Variants in ASB1 observed in about 807,000 individuals in gnomAD.
ASB1 encodes the protein ankyrin repeat and SOCS box protein 1.
A neutral mutation model predicts 27.7 loss-of-function variants in ASB1; 18 were observed. The observed-to-expected ratio is 0.65, with a 90% CI of 0.45 to 0.96. The LOEUF (loss-of-function observed/expected upper bound fraction) is 0.96, where lower values mean the gene tolerates loss of function less well. Ranked by LOEUF, ASB1 falls within the 50% of genes least tolerant of loss-of-function variation. The pLI, the probability that ASB1 is intolerant of heterozygous loss-of-function variation, is 0.00. For missense variants in ASB1, 397 were observed against 451.7 expected, an observed-to-expected ratio of 0.88 and a Z score of 1.10; for synonymous variants, 189 against 187.6, an observed-to-expected ratio of 1.01 and a Z score of -0.06.
intron 3 of ASB1, among the ~76,000 whole-genome samples, chr2:238,442,648 G>T (rs1039899222): frequency 6.6e-6 from 1 of 151,932 alleles, no homozygotes; most frequent in Non-Finnish European, 1.5e-5. Flanking sequence ...TTACTTAGAG[G>T]TTTTTTTCTA....
intron 1 of ASB1, among the ~76,000 whole-genome samples, chr2:238,433,112 C>T (rs1701901387): frequency 6.6e-6 from 1 of 152,108 alleles, no homozygotes; most frequent in Admixed American, 6.5e-5. Flanking sequence ...TCAGTGGATT[C>T]TTTGACACAA....
chr2:238,445,066 T>C (rs1702153378), intron 4 of ASB1, among the ~76,000 whole-genome samples: 1 of 148,270 alleles, frequency 6.7e-6, no homozygotes, highest in African/African-American at 2.5e-5. Flanking sequence ...CCTGTAGCCA[T>C]GACCTCCTGG....
intron 3 of ASB1, among the ~76,000 whole-genome samples, chr2:238,436,723 A>G (rs1301590068): frequency 6.7e-6 from 1 of 149,520 alleles, no homozygotes; most frequent in African/African-American, 2.5e-5. Flanking sequence ...GTACATGACC[A>G]TGGGTGTTTT....
At chr2:238,432,374 C>T (rs1219311017) in intron 1 of ASB1, among the ~76,000 whole-genome samples, 1 of 152,058 alleles carries the variant, frequency 6.6e-6, no homozygotes, top group African/African-American at 2.4e-5. Context: ...TTATTCTGTT[C>T]TTTTGTGTTG....
Position 238,436,948 on chromosome 2 carries a change from C to T in ASB1, c.494+935C>T, listed in dbSNP as rs572556327. ...AAAGTTCCTGCTTACATATTATGCT[C>T]TATCAAAACAAGAGTACTATTAGTT... On this transcript the variant is annotated intron_variant, in intron 3 of 4. Coordinates refer to ENST00000264607, the MANE Select transcript of ASB1 (RefSeq NM_001040445.3). Among the ~76,000 whole-genome samples, 4 of 152,266 alleles carry T rather than the reference C, an allele frequency of 2.6e-5. 1 individual carries two copies. In the South Asian group the frequency reaches 8.3e-4, roughly 32 times the overall value.
In ASB1 at chr2:238,442,058, C is replaced by T. The variant is rs146627651; in HGVS notation, c.495-2284C>T. On this transcript the variant is annotated intron_variant, in intron 3 of 4. Coordinates refer to ENST00000264607, the MANE Select transcript of ASB1 (RefSeq NM_001040445.3). ...AATAGTTTTAATTTGCATTTCTGTT[C>T]CGAGTGAGGCTGAGTGTGTTTTCAT... Among the ~76,000 whole-genome samples the T allele has an allele frequency of 2.5e-3, 385 of 152,080 alleles. 2 individuals carry two copies. The highest frequency in any genetic ancestry group is 8.8e-3 in the African/African-American group (366 of 41,482).
At position 238,435,832 on chromosome 2, in the gene ASB1, G is replaced by C; in HGVS notation, c.313G>C (p.Asp105His). ...DFLIRKGAEVDLVDVKGQTAL... is the reference protein window; with the variant it reads ...DFLIRKGAEVHLVDVKGQTAL... ...CCTCATCCGGAAGGGGGCCGAGGTGGATCTGGTGGACGTAAAAGGACAGAC... is the reference window on the plus strand; with the variant it reads ...CCTCATCCGGAAGGGGGCCGAGGTGCATCTGGTGGACGTAAAAGGACAGAC... Residue 105 changes from aspartate to histidine, a missense_variant, in exon 3 of 5, where the codon GAT becomes CAT. By Grantham distance (81) the Asp-to-His change is moderately conservative. Transcript: ENST00000264607. The C allele has an allele frequency of 6.2e-7, 1 of 1,614,262 alleles. No homozygotes were observed. The highest frequency in any genetic ancestry group is 8.5e-7 in the Non-Finnish European group (1 of 1,180,046).
Position 238,444,642 on chromosome 2 carries a change from A to G in ASB1, c.795A>G (p.Leu265=), listed in dbSNP as rs1702143183. ...TAGAATTTGGAGCCAACCTGAATCTAGTGAAGTGGGAATCGCTGGGCCCAG... is the reference window on the plus strand; with the variant it reads ...TAGAATTTGGAGCCAACCTGAATCTGGTGAAGTGGGAATCGCTGGGCCCAG... ...LLVEFGANLN[L]VKWESLGPES... The change falls in exon 4 of 5, where the codon CTA becomes CTG. Residue 265 remains leucine (L), a synonymous_variant. Transcript: ENST00000264607. 2 of 1,614,144 alleles carry G rather than the reference A, an allele frequency of 1.2e-6. No individual in the cohort carries two copies. Among genetic ancestry groups the G allele is most frequent in the East Asian group, 2.2e-5 (1 of 44,880 alleles).
At chr2:238,442,247 C>G (rs1702091959) in intron 3 of ASB1, among the ~76,000 whole-genome samples, 1 of 151,922 alleles carries the variant, frequency 6.6e-6, no homozygotes, top group Non-Finnish European at 1.5e-5. Flanking sequence ...TCCCGAGTAG[C>G]TGGGATGACA....
chr2:238,433,040 C>G (rs1308223714), intron 1 of ASB1, among the ~76,000 whole-genome samples: 2 of 152,170 alleles, frequency 1.3e-5, no homozygotes, highest in Non-Finnish European at 2.9e-5. Flanking sequence ...GCCACCTCAC[C>G]TGGCTCAATC....
intron 3 of ASB1, among the ~76,000 whole-genome samples, chr2:238,438,394 G>A (rs373994219): frequency 7.9e-5 from 12 of 151,888 alleles, no homozygotes; most frequent in Middle Eastern, 3.4e-3. Flanking sequence ...TTGAGACAGG[G>A]TTTCACCATG....
intron 3 of ASB1, among the ~76,000 whole-genome samples, chr2:238,442,913 C>T (rs1702106636): frequency 6.6e-6 from 1 of 152,192 alleles, no homozygotes; most frequent in Admixed American, 6.5e-5. Flanking sequence ...ATTTTGTTCA[C>T]ATACCAGTGC....
At chr2:238,428,943 CTG>C (rs553499068) in intron 1 of ASB1, among the ~76,000 whole-genome samples, 179 of 152,276 alleles carry the variant, frequency 1.2e-3, no homozygotes, top group Middle Eastern at 3.4e-3. Flanking sequence ...CTTTTTCACT[CTG>C]TAGTAACCGC....
rs886997581 is a variant in ASB1 at position 238,438,476 on chromosome 2, G to A, written c.494+2463G>A. Among the ~76,000 whole-genome samples the A allele has an allele frequency of 5.9e-5, 9 of 152,002 alleles. No homozygotes were observed. The South Asian group carries it at 8.3e-4, about 14-fold the overall frequency. The stretch of plus-strand genomic sequence containing the variant: ...CGGCCTCCCAAAGTGCTGGGATTAC[G>A]GGCGTGAGCCACCGCGCCCGGCCAC... On this transcript the variant is annotated intron_variant, in intron 3 of 4. Coordinates refer to ENST00000264607, the MANE Select transcript of ASB1 (RefSeq NM_001040445.3).
At position 238,450,653 on chromosome 2, in the gene ASB1, G is replaced by A. The variant is rs1287626624; in HGVS notation, c.*4142G>A. 1.3e-5 allele frequency: 2 copies of A among 152,242 alleles called. No homozygotes were observed. The highest frequency in any genetic ancestry group is 2.9e-5 in the Non-Finnish European group (2 of 68,074). The allele number at this position is 152,242 out of a possible 1,614,324, so 9.4% of individuals were successfully genotyped here. On this transcript the variant is annotated 3_prime_UTR_variant, in exon 5 of 5. Transcript: ENST00000264607. ...GCCAAGAACGAGTCTGGAGATCGCT[G>A]CGTGCGGTTTTAGGAAGTGCCAACA...
rs1194084277 is a variant in ASB1, at chr2:238,427,027, G to A, written c.-44G>A. 8.1e-7 allele frequency: 1 copy of A among 1,237,486 alleles called. No individual in the cohort carries two copies. Among genetic ancestry groups the A allele is most frequent in the East Asian group, 3.2e-5 (1 of 31,202 alleles). 76.7% of individuals were successfully genotyped at this position (1,237,486 alleles called of 1,614,324 possible). ...GCGGGTCGTTCTGCTTCCTGCCCGAGGGGCGTGCGCGGGTCAGGGGCGGCC... is the reference window on the plus strand; with the variant it reads ...GCGGGTCGTTCTGCTTCCTGCCCGAAGGGCGTGCGCGGGTCAGGGGCGGCC... On this transcript the variant is annotated 5_prime_UTR_variant, in exon 1 of 5. Coordinates refer to ENST00000264607, the MANE Select transcript of ASB1 (RefSeq NM_001040445.3).
Position 238,426,972 on chromosome 2 carries a change from C to T in ASB1, c.-99C>T. ...GCCGGAAGCCGCGACCCCGACGCGC[C>T]CCCCATTGCCCTCGGCGCCGGAAGT... is the stretch of plus-strand genomic sequence containing the variant. On this transcript the variant is annotated 5_prime_UTR_variant, in exon 1 of 5. Transcript: ENST00000264607. The T allele has an allele frequency of 1.0e-6, 1 of 978,858 alleles. No homozygotes were observed. The allele number at this position is 978,858 out of a possible 1,614,324, so 60.6% of individuals were successfully genotyped here. A position where few individuals can be genotyped will look rare whatever the true frequency, so the allele number is the denominator to read the frequency against.
chr2:238,450,391 T>C lies in ASB1; in HGVS notation c.*3880T>C, dbSNP rs1451694204. The C allele has an allele frequency of 6.6e-6, 1 of 152,260 alleles. No homozygotes were observed. The highest frequency in any genetic ancestry group is 1.5e-5 in the Non-Finnish European group (1 of 68,040). 9.4% of individuals were successfully genotyped at this position (152,260 alleles called of 1,614,324 possible). On this transcript the variant is annotated 3_prime_UTR_variant, in exon 5 of 5. Coordinates refer to ENST00000264607, the MANE Select transcript of ASB1 (RefSeq NM_001040445.3). ...AAAATTTCCTTTTATGTAATGAAGG[T>C]AAAAGTAGAGGGCAATATTTTTGCT...
chr2:238,446,492 A>G lies in ASB1; in HGVS notation c.989A>G (p.Lys330Arg). 6.2e-7 allele frequency: 1 copy of G among 1,614,126 alleles called. No homozygotes were observed. The highest frequency in any genetic ancestry group is 8.5e-7 in the Non-Finnish European group (1 of 1,180,032). Residue 330 changes from lysine to arginine, a missense_variant, in exon 5 of 5, where the codon AAG (lysine) becomes AGG (arginine). By Grantham distance (26) the Lys-to-Arg change is conservative. Transcript: ENST00000264607. Reference sequence around the variant, plus strand: ...CTGCCTCTGCCAGACCCCATAAAGAAGTTTCTACTCCATGAGTAGACTCCA... The same window carrying G: ...CTGCCTCTGCCAGACCCCATAAAGAGGTTTCTACTCCATGAGTAGACTCCA... ...PSLPLPDPIK[K>R]FLLHE
Sources: allele counts gnomAD v4.1 joint callset (sites outside exome capture counted in the v4.1 genomes callset), GRCh38; gene constraint gnomAD v4.1.1; transcripts MANE v1.5; gene names NCBI Gene and HGNC (gene_info 2026-07-23, HGNC 2026-07-21).